MED12L: variants seen among roughly 807,000 people sequenced by gnomAD.
MED12L encodes mediator of RNA polymerase II transcription subunit 12-like protein.
In MED12L, 60 loss-of-function variants were observed where a neutral mutation model predicts 281.3. The ratio of observed to expected loss-of-function variants is 0.21; its 90% CI spans 0.17 to 0.26. The LOEUF (loss-of-function observed/expected upper bound fraction) is 0.26. Among genes scored for constraint, MED12L ranks in the 10% least tolerant of loss-of-function variants. The pLI, the probability that MED12L is intolerant of heterozygous loss-of-function variation, is 1.00. For synonymous variants in MED12L, 974 were observed against 987.2 expected (o/e 0.99, Z 0.25); for missense variants, 2,146 against 2,680.9 (o/e 0.80, Z 4.41).
intron 16 of MED12L, among the ~76,000 whole-genome samples, chr3:151,273,458 G>T (rs906174400): frequency 6.8e-6 from 1 of 146,378 alleles, no homozygotes; most frequent in Non-Finnish European, 1.5e-5. Context: ...GGCCAGGCTG[G>T]TCTGAAACTT....
At chr3:151,263,096 G>A (rs1385405408) in intron 16 of MED12L, among the ~76,000 whole-genome samples, 1 of 152,134 alleles carries the variant, frequency 6.6e-6, no homozygotes, top group Non-Finnish European at 1.5e-5. Context: ...TGGGGTTGAC[G>A]AGTGAGGATT....
At chr3:151,290,609 A>G (rs1387558952) in intron 16 of MED12L, among the ~76,000 whole-genome samples, 2 of 145,500 alleles carry the variant, frequency 1.4e-5, no homozygotes, top group Non-Finnish European at 3.0e-5. Flanking sequence ...GCATTTTCCC[A>G]TGAAATTCAT....
Position 151,288,219 on chromosome 3 carries a change from G to A in MED12L, c.2251-61840G>A, listed in dbSNP as rs145540335. Among the ~76,000 whole-genome samples the A allele has an allele frequency of 4.6e-5, 7 of 152,318 alleles. No homozygotes were observed. The East Asian group carries it at 7.7e-4, about 17-fold the overall frequency. Reference sequence around the variant, plus strand: ...GAATGCTTTATAGCATGCAAAGTATGAGGCACAATTCTTACACAGTGAAGA... The same window carrying A: ...GAATGCTTTATAGCATGCAAAGTATAAGGCACAATTCTTACACAGTGAAGA... On this transcript the variant is annotated intron_variant, in intron 16 of 44. Coordinates refer to ENST00000687756, the MANE Select transcript of MED12L (RefSeq NM_001393769.1).
chr3:151,409,251 G>C lies in MED12L; in HGVS notation c.5829G>C (p.Pro1943=). The change falls in exon 40 of 45, where the codon CCG becomes CCC. Residue 1943 remains proline (P), a synonymous_variant. Transcript: ENST00000687756. ...TTGGCTTTGTTTTCCAGGGCCAGCCGGGGGACCAGGCTGCTCTCTTTGCTG... is the reference window on the plus strand; with the variant it reads ...TTGGCTTTGTTTTCCAGGGCCAGCCCGGGGACCAGGCTGCTCTCTTTGCTG... The part of the protein sequence containing the change: ...AQTRPFQQGQ[P]GDQAALFAAQ... 6.3e-7 allele frequency: 1 copy of C among 1,591,484 alleles called. No homozygotes were observed. The highest frequency in any genetic ancestry group is 8.5e-7 in the Non-Finnish European group (1 of 1,173,054).
chr3:151,342,309 C>G (rs1008520977), intron 16 of MED12L, among the ~76,000 whole-genome samples: 3 of 152,212 alleles, frequency 2.0e-5, no homozygotes, highest in Admixed American at 6.5e-5. Context: ...ACTGCAGTGT[C>G]CTTCTGTTAT....
chr3:151,173,437 T>C (rs1252782516), intron 11 of MED12L, among the ~76,000 whole-genome samples: 1 of 152,206 alleles, frequency 6.6e-6, no homozygotes, highest in African/African-American at 2.4e-5. Flanking sequence ...AAGTTTCAGA[T>C]GTAATTTTGG....
chr3:151,316,841 T>C (rs1239741827), intron 16 of MED12L: 2 of 152,256 alleles, frequency 1.3e-5, no homozygotes, highest in African/African-American at 4.8e-5. Context: ...GCTCTCTTGC[T>C]AATGTAAATG....
intron 5 of MED12L, among the ~76,000 whole-genome samples, chr3:151,136,153 A>G: frequency 6.6e-6 from 1 of 152,184 alleles, no homozygotes; most frequent in Non-Finnish European, 1.5e-5. Context: ...CCAAAATACA[A>G]AGAATAAACA....
chr3:151,110,927 A>C (rs1711776977), intron 2 of MED12L, among the ~76,000 whole-genome samples: 1 of 152,182 alleles, frequency 6.6e-6, no homozygotes, highest in African/African-American at 2.4e-5. Context: ...GGCACTGGGC[A>C]TGGAAACCCC....
intron 39 of MED12L, among the ~76,000 whole-genome samples, chr3:151,404,477 G>C (rs944160832): frequency 7.9e-5 from 12 of 152,164 alleles, no homozygotes; most frequent in African/African-American, 2.7e-4. Context: ...TCCTCTCTCT[G>C]TTGTCTGCAG....
intron 40 of MED12L, among the ~76,000 whole-genome samples, chr3:151,410,588 C>T (rs985681462): frequency 6.6e-6 from 1 of 152,132 alleles, no homozygotes; most frequent in Non-Finnish European, 1.5e-5. Flanking sequence ...TTTCTCTTTT[C>T]CATAAGGTGA....
chr3:151,243,038 A>C (rs199904359), intron 16 of MED12L, among the ~76,000 whole-genome samples: 3 of 150,694 alleles, frequency 2.0e-5, no homozygotes, highest in South Asian at 2.1e-4. Context: ...GAAATGAATG[A>C]AATGAAGCGA....
chr3:151,139,245 A>ATTGTGTATATTTTC (rs1716582224), intron 5 of MED12L, among the ~76,000 whole-genome samples: 3 of 151,956 alleles, frequency 2.0e-5, no homozygotes, highest in Non-Finnish European at 2.9e-5. Context: ...GGTGCATTCC[A>ATTGTGTATATTTTC]TGTTCATTGT....
At chr3:151,396,866 C>T (rs1221704889) in intron 39 of MED12L, among the ~76,000 whole-genome samples, 1 of 152,112 alleles carries the variant, frequency 6.6e-6, no homozygotes, top group Non-Finnish European at 1.5e-5. Context: ...TGATATAAGC[C>T]ATGACAAACG....
intron 5 of MED12L, among the ~76,000 whole-genome samples, chr3:151,152,104 T>G (rs1428660301): frequency 1.5e-5 from 2 of 129,542 alleles, no homozygotes; most frequent in Non-Finnish European, 3.2e-5. Context: ...TTTTTTTTTT[T>G]TTTTTTTTTT....
Position 151,103,731 on chromosome 3 carries a change from C to T in MED12L, c.100-12607C>T, listed in dbSNP as rs1576730179. Among the ~76,000 whole-genome samples the T allele has an allele frequency of 3.3e-5, 5 of 152,160 alleles. No homozygotes were observed. In the South Asian group the frequency reaches 1.0e-3, roughly 31 times the overall value. On this transcript the variant is annotated intron_variant, in intron 2 of 44. Coordinates refer to ENST00000687756, the MANE Select transcript of MED12L (RefSeq NM_001393769.1). ...AGACATGTGAGGTAGGTGGGGTGAT[C>T]TACATTTCGCAGAAGAGAAAGGGAG... is the stretch of plus-strand genomic sequence containing the variant.
intron 16 of MED12L, chr3:151,213,775 C>T (rs368040389): frequency 3.8e-5 from 61 of 1,614,016 alleles, no homozygotes; most frequent in South Asian, 8.8e-5. Context: ...GTGCCACTTC[C>T]GTCCCAGTTC....
At chr3:151,328,476 A>C (rs1295034775) in intron 16 of MED12L, 1 of 1,614,054 alleles carries the variant, frequency 6.2e-7, no homozygotes, top group Admixed American at 1.7e-5. Flanking sequence ...AAGGAAGCAC[A>C]CTTTTTCACA....
intron 2 of MED12L, 34 bp downstream of exon 2, chr3:151,087,059 G>A: frequency 6.5e-7 from 1 of 1,545,144 alleles, no homozygotes; most frequent in Non-Finnish European, 8.8e-7. Flanking sequence ...GGCAACCGGG[G>A]CCGCGCTCTG....
Sources: gnomAD v4.1 joint callset for allele counts (sites outside exome capture counted in the v4.1 genomes callset) on GRCh38, gnomAD v4.1.1 for gene constraint, MANE v1.5 for transcripts, NCBI Gene and HGNC (gene_info 2026-07-23, HGNC 2026-07-21) for gene names.